MAGEC2: variants seen among roughly 807,000 people sequenced by gnomAD.
MAGEC2 encodes the protein melanoma-associated antigen C2.
For missense variants in MAGEC2, 332 were observed against 282.3 expected, an observed-to-expected ratio of 1.18 and a Z score of -1.26; for synonymous variants, 127 against 115.1, an observed-to-expected ratio of 1.10 and a Z score of -0.66.
chrX:142,203,015 C>G lies in MAGEC2; in HGVS notation c.973G>C (p.Val325Leu), dbSNP rs931044582. ...TACCAGGATGGAAAGGAACTAGGAACAGTGTTGTTCAGCTTGGCTAAAAAC... is the reference window on the plus strand; with the variant it reads ...TACCAGGATGGAAAGGAACTAGGAAGAGTGTTGTTCAGCTTGGCTAAAAAC... Reference protein sequence around the residue: ...LEFLAKLNNTVPSSFPSWYKD... With the variant: ...LEFLAKLNNTLPSSFPSWYKD... Residue 325 changes from valine (V) to leucine (L), a missense_variant, in exon 3 of 3, where the codon GTT (valine) becomes CTT (leucine). Coordinates refer to ENST00000247452, the MANE Select transcript of MAGEC2 (RefSeq NM_016249.4). The G allele has an allele frequency of 8.3e-7, 1 of 1,209,972 alleles. No individual in the cohort carries two copies. The highest frequency in any genetic ancestry group is 2.2e-5 in the Admixed American group (1 of 45,751).
In MAGEC2 at chrX:142,203,578, A is replaced by T. The variant is rs1781854460; in HGVS notation, c.410T>A (p.Phe137Tyr). 1 of 1,211,058 alleles carries T rather than the reference A, an allele frequency of 8.3e-7. No individual in the cohort carries two copies. Among genetic ancestry groups the T allele is most frequent in the Non-Finnish European group, 1.1e-6 (1 of 895,370 alleles). The stretch of plus-strand genomic sequence containing the variant: ...CACCTTTTCATCTAGTGTATATGTG[A>T]AAGAGGACTCACTGTCTGGCAGGCC... ...CQGLPDSESS[F>Y]TYTLDEKVAE... The change falls in exon 3 of 3, where the codon TTC becomes TAC. Residue 137 changes from phenylalanine to tyrosine, a missense_variant. Phe to Tyr is a conservative substitution (Grantham distance 22). Coordinates refer to ENST00000247452, the MANE Select transcript of MAGEC2 (RefSeq NM_016249.4).
Position 142,204,360 on chromosome X carries a change from A to G in MAGEC2, c.-67+2T>C, listed in dbSNP as rs1411624608. ...TGGTACACAGCCAGGGTGTGCACTC[A>G]CCTTGACTCCTGGCACTGCCTGGGC... On this transcript the variant is annotated splice_donor_variant, in intron 2 of 2. Transcript: ENST00000247452. LOFTEE classifies it low-confidence loss of function (5UTR_SPLICE). 3.1e-6 allele frequency: 1 copy of G among 327,537 alleles called. No individual in the cohort carries two copies. Among genetic ancestry groups the G allele is most frequent in the African/African-American group, 2.7e-5 (1 of 37,329 alleles). The allele number at this position is 327,537 out of a possible 1,213,427, so 27.0% of individuals were successfully genotyped here.
rs1393825660 is a variant in MAGEC2, at chrX:142,203,698, T to A, written c.290A>T (p.Gln97Leu). 8 of 1,210,171 alleles carry A rather than the reference T, an allele frequency of 6.6e-6. No individual in the cohort carries two copies. The highest frequency in any genetic ancestry group is 8.9e-6 in the Non-Finnish European group (8 of 894,983). Residue 97 changes from glutamine (Q) to leucine (L), a missense_variant, in exon 3 of 3, where the codon CAG becomes CTG. Physicochemically the swap from Gln to Leu is moderately radical, Grantham distance 113. Coordinates refer to ENST00000247452, the MANE Select transcript of MAGEC2 (RefSeq NM_016249.4). The part of the protein sequence containing the change: ...PPQGPPQGPS[Q>L]SPLSSCCSSF... Reference sequence around the variant, plus strand: ...GGAGCAGCAGGAGCTCAGAGGACTCTGGGAAGGACCCTGTGGAGGACCCTG... The same window carrying A: ...GGAGCAGCAGGAGCTCAGAGGACTCAGGGAAGGACCCTGTGGAGGACCCTG...
Position 142,203,401 on chromosome X carries a change from G to A in MAGEC2, c.587C>T (p.Ala196Val), listed in dbSNP as rs1436021368. The A allele has an allele frequency of 1.7e-6, 2 of 1,211,523 alleles. No homozygotes were observed. Among genetic ancestry groups the A allele is most frequent in the Non-Finnish European group, 2.2e-6 (2 of 895,410 alleles). The change falls in exon 3 of 3, where the codon GCC becomes GTC. Residue 196 changes from alanine (A) to valine (V), a missense_variant. By Grantham distance (64) the Ala-to-Val change is moderately conservative. Transcript: ENST00000247452. ...GTGGTCAGGGCCCACTTCTATCAGG[G>A]CAAGGCCAAAAAGAAGCTCCATGAA... ...REFMELLFGLALIEVGPDHFC... is the reference protein window; with the variant it reads ...REFMELLFGLVLIEVGPDHFC...
intron 2 of MAGEC2, 74 bp downstream of exon 2, chrX:142,204,288 A>G (rs1931202273): frequency 2.3e-6 from 1 of 444,254 alleles, no homozygotes; most frequent in Non-Finnish European, 3.9e-6. Context: ...ATAGGTGGGT[A>G]GGGCCGGGTG....
At chrX:142,204,534 G>T (rs1161787454) in intron 1 of MAGEC2, 79 bp from the exon 2 acceptor site, 2 of 124,825 alleles carry the variant, frequency 1.6e-5, no homozygotes, top group East Asian at 4.9e-4. Flanking sequence ...GACAGCTGGG[G>T]CTGGCCAGAA....
chrX:142,202,874 A>G lies in MAGEC2; in HGVS notation c.1114T>C (p.Ser372Pro). Residue 372 changes from serine (S) to proline (P), a missense_variant, in exon 3 of 3, where the codon TCT (serine) becomes CCT (proline). Transcript: ENST00000247452. Reference sequence around the variant, plus strand: ...AGAAACTATCCTAGACTTCACTCAGAAAAGGAGACGTTGCTGGACATGACA... The same window carrying G: ...AGAAACTATCCTAGACTTCACTCAGGAAAGGAGACGTTGCTGGACATGACA... ...LSVMSSNVSF[S>P]E 8.3e-7 allele frequency: 1 copy of G among 1,208,135 alleles called. No individual in the cohort carries two copies. The highest frequency in any genetic ancestry group is 1.1e-6 in the Non-Finnish European group (1 of 893,588).
In MAGEC2 at chrX:142,202,822, A is replaced by C. The variant is rs768878843; in HGVS notation, c.*44T>G. The C allele has an allele frequency of 2.6e-6, 3 of 1,171,259 alleles. No homozygotes were observed. The highest frequency in any genetic ancestry group is 3.4e-6 in the Non-Finnish European group (3 of 873,523). ...CCTGGCCCTCCACTACCTAGAACCT[A>C]AACTGCCCTGTTCAAACACAAGGGG... is the stretch of plus-strand genomic sequence containing the variant. On this transcript the variant is annotated 3_prime_UTR_variant, in exon 3 of 3. Transcript: ENST00000247452.
intron 2 of MAGEC2, 101 bp downstream of exon 2, chrX:142,204,261 A>G: frequency 4.1e-6 from 2 of 483,266 alleles, no homozygotes; most frequent in Non-Finnish European, 7.2e-6. Context: ...GCAGAGCCTG[A>G]GACCCCAGGA....
At position 142,203,912 on chromosome X, in the gene MAGEC2, C is replaced by T. The variant is rs771139214; in HGVS notation, c.76G>A (p.Val26Ile). Residue 26 changes from valine (V) to isoleucine (I), a missense_variant, in exon 3 of 3, where the codon GTA becomes ATA. Coordinates refer to ENST00000247452, the MANE Select transcript of MAGEC2 (RefSeq NM_016249.4). Reference sequence around the variant, plus strand: ...TCATCTGTGGGATGCTGTGCATCTACCCAGTCTTCTAACTCAACTGAGGTC... The same window carrying T: ...TCATCTGTGGGATGCTGTGCATCTATCCAGTCTTCTAACTCAACTGAGGTC... ...SPTSVELEDW[V>I]DAQHPTDEEE... The T allele has an allele frequency of 3.4e-6, 4 of 1,182,564 alleles. No homozygotes were observed. In the South Asian group the frequency reaches 5.7e-5, roughly 17 times the overall value.
Position 142,203,305 on chromosome X carries a change from C to T in MAGEC2, c.683G>A (p.Ser228Asn), listed in dbSNP as rs780273500. The change falls in exon 3 of 3, where the codon AGC (serine) becomes AAC (asparagine). Residue 228 changes from serine (S) to asparagine (N), a missense_variant. Transcript: ENST00000247452. ...CACACTCAGAATAATAATCAGGAGGCTGTTCTCGGGCATGCCCTCATCATC... is the reference window on the plus strand; with the variant it reads ...CACACTCAGAATAATAATCAGGAGGTTGTTCTCGGGCATGCCCTCATCATC... ...GSDDEGMPEN[S>N]LLIIILSVIF... is the part of the protein sequence containing the mutation. The T allele has an allele frequency of 2.5e-6, 3 of 1,211,388 alleles. No individual in the cohort carries two copies. The highest frequency in any genetic ancestry group is 3.4e-6 in the Non-Finnish European group (3 of 895,372).
Position 142,203,227 on chromosome X carries a change from T to C in MAGEC2, c.761A>G (p.Asn254Ser). ...CCTCCCAGCATATACCCCTACTGCATTCAGCACTTCCCAGATGACCTCCTC... is the reference window on the plus strand; with the variant it reads ...CCTCCCAGCATATACCCCTACTGCACTCAGCACTTCCCAGATGACCTCCTC... ...ASEEVIWEVLNAVGVYAGREH... is the reference protein window; with the variant it reads ...ASEEVIWEVLSAVGVYAGREH... The change falls in exon 3 of 3, where the codon AAT becomes AGT. Residue 254 changes from asparagine to serine, a missense_variant. Transcript: ENST00000247452. The C allele has an allele frequency of 8.3e-7, 1 of 1,211,471 alleles. No individual in the cohort carries two copies. Among genetic ancestry groups the C allele is most frequent in the Non-Finnish European group, 1.1e-6 (1 of 895,450 alleles).
At position 142,203,670 on chromosome X, in the gene MAGEC2, A is replaced by G. The variant is rs1931189299; in HGVS notation, c.318T>C (p.Ser106=). 1.4e-5 allele frequency: 17 copies of G among 1,210,269 alleles called. No homozygotes were observed. Among genetic ancestry groups the G allele is most frequent in the Non-Finnish European group, 1.8e-5 (16 of 895,054 alleles). Residue 106 remains serine, a synonymous_variant, in exon 3 of 3, where the codon TCT becomes TCC. Coordinates refer to ENST00000247452, the MANE Select transcript of MAGEC2 (RefSeq NM_016249.4). ...SQSPLSSCCS[S]FSWSSFSEES... ...CCTCACTGAATGAGCTCCATGAAAA[A>G]GAGGAGCAGCAGGAGCTCAGAGGAC... is the stretch of plus-strand genomic sequence containing the variant.
rs1238727155 is a variant in MAGEC2, at chrX:142,203,501, T to C, written c.487A>G (p.Thr163Ala). ...LLKYEAEEPV[T>A]EAEMLMIVIK... is the part of the protein sequence containing the mutation. ...ACAATCATCAGCATCTCTGCCTCTG[T>C]TACAGGCTCCTCTGCTTCGTATTTG... is the stretch of plus-strand genomic sequence containing the variant. Residue 163 changes from threonine to alanine, a missense_variant, in exon 3 of 3, where the codon ACA becomes GCA. Transcript: ENST00000247452. The C allele has an allele frequency of 3.3e-6, 4 of 1,209,507 alleles. No homozygotes were observed. The highest frequency in any genetic ancestry group is 4.5e-6 in the Non-Finnish European group (4 of 895,094).
Position 142,203,188 on chromosome X carries a change from T to C in MAGEC2, c.800A>G (p.Tyr267Cys), listed in dbSNP as rs769353073. The change falls in exon 3 of 3, where the codon TAT (tyrosine) becomes TGT (cysteine). Residue 267 changes from tyrosine to cysteine, a missense_variant. Tyr to Cys is a radical substitution (Grantham distance 194). Coordinates refer to ENST00000247452, the MANE Select transcript of MAGEC2 (RefSeq NM_016249.4). ...AGTGAGGAGCTCCCTAGGCTCCCCA[T>C]AGACGAAGTGCTCCCTCCCAGCATA... Reference protein sequence around the residue: ...GVYAGREHFVYGEPRELLTKV... With the variant: ...GVYAGREHFVCGEPRELLTKV... 12 of 1,209,282 alleles carry C rather than the reference T, an allele frequency of 9.9e-6. No individual in the cohort carries two copies. The highest frequency in any genetic ancestry group is 3.5e-5 in the South Asian group (2 of 56,712).
Position 142,203,534 on chromosome X carries a change from G to A in MAGEC2, c.454C>T (p.Leu152=), listed in dbSNP as rs1931185473. 1 of 1,211,544 alleles carries A rather than the reference G, an allele frequency of 8.3e-7. No homozygotes were observed. The highest frequency in any genetic ancestry group is 1.1e-6 in the Non-Finnish European group (1 of 895,367). ...DEKVAELVEF[L]LLKYEAEEPV... ...TCCTCTGCTTCGTATTTGAGGAGCA[G>A]GAACTCCACTAACTCGGCCACCTTT... The change falls in exon 3 of 3, where the codon CTG becomes TTG. Residue 152 remains leucine (L), a synonymous_variant. Coordinates refer to ENST00000247452, the MANE Select transcript of MAGEC2 (RefSeq NM_016249.4).
At position 142,203,748 on chromosome X, in the gene MAGEC2, G is replaced by T. The variant is rs1211112880; in HGVS notation, c.240C>A (p.Thr80=). The T allele has an allele frequency of 5.0e-6, 6 of 1,206,725 alleles. No individual in the cohort carries two copies. Among genetic ancestry groups the T allele is most frequent in the Non-Finnish European group, 5.6e-6 (5 of 892,929 alleles). ...GTGGAGGACTACTGGGAATGCTCTC[G>T]GTAAGATTTGGTATCACACCAGAGG... ...EVPSGVIPNL[T]ESIPSSPPQG... is the part of the protein sequence containing the mutation. The change falls in exon 3 of 3, where the codon ACC becomes ACA. Residue 80 remains threonine (T), a synonymous_variant. Transcript: ENST00000247452.
chrX:142,202,937 CGGTAT>C lies in MAGEC2; in HGVS notation c.1046_1050del (p.Asp349GlyfsTer3). ...CTGGCCATGACAGTGGCATCATCTG[CGGTAT>C]CAATTGTGGCCTGGACTCTCTCTTC... On this transcript the variant is annotated frameshift_variant, in exon 3 of 3. Transcript: ENST00000247452. LOFTEE classifies it low-confidence loss of function (END_TRUNC). The C allele has an allele frequency of 8.3e-7, 1 of 1,211,144 alleles. No individual in the cohort carries two copies. Among genetic ancestry groups the C allele is most frequent in the Non-Finnish European group, 1.1e-6 (1 of 895,057 alleles).
Position 142,202,577 on chromosome X carries a change from G to C in MAGEC2, c.*289C>G. ...TACCCTGTTACAGATCACAAAATAA[G>C]GGAGAAGGTATTTCCATTTTTTTAA... On this transcript the variant is annotated 3_prime_UTR_variant, in exon 3 of 3. Transcript: ENST00000247452. The C allele has an allele frequency of 3.7e-6, 1 of 271,586 alleles. No homozygotes were observed. Among genetic ancestry groups the C allele is most frequent in the Admixed American group, 5.8e-5 (1 of 17,340 alleles). The allele number at this position is 271,586 out of a possible 1,213,427, so 22.4% of individuals were successfully genotyped here. A position where few individuals can be genotyped will look rare whatever the true frequency, so the allele number is the denominator to read the frequency against.
Sources: allele counts gnomAD v4.1 joint callset, GRCh38; gene constraint gnomAD v4.1.1; transcripts MANE v1.5; gene names NCBI Gene and HGNC (gene_info 2026-07-23, HGNC 2026-07-21).